Variants in KAZN observed in about 807,000 individuals in gnomAD.
KAZN encodes the protein kazrin.
In KAZN, 40 loss-of-function variants were observed where a neutral mutation model predicts 87.4. That is an observed-to-expected ratio of 0.46 (90% CI 0.36 to 0.60). The LOEUF is 0.60. Ranked by LOEUF, KAZN falls within the 20% of genes least tolerant of loss-of-function variation. KAZN has a pLI of 0.00. For synonymous variants in KAZN, 466 were observed against 458.3 expected, an observed-to-expected ratio of 1.02 and a Z score of -0.22; for missense variants, 898 against 1,073.9, an observed-to-expected ratio of 0.84 and a Z score of 2.29.
At chr1:14,058,121 T>A (rs994072861) in intron 1 of KAZN, among the ~76,000 whole-genome samples, 1 of 152,158 alleles carries the variant, frequency 6.6e-6, no homozygotes, top group African/African-American at 2.4e-5. Context: ...GTCCTCCATA[T>A]GCCCCACCTG....
intron 1 of KAZN, among the ~76,000 whole-genome samples, chr1:13,958,879 C>G (rs915210323): frequency 2.6e-5 from 4 of 152,108 alleles, no homozygotes; most frequent in African/African-American, 9.7e-5. Flanking sequence ...AGCTAGGCTG[C>G]TCAGGTCCTT....
chr1:14,169,379 G>A (rs963520926), intron 1 of KAZN, among the ~76,000 whole-genome samples: 1 of 151,968 alleles, frequency 6.6e-6, no homozygotes, highest in Admixed American at 6.6e-5. Flanking sequence ...CTGCCCATTA[G>A]AATGTGGCTG....
intron 2 of KAZN, among the ~76,000 whole-genome samples, chr1:14,544,350 CTTTTTTTT>C (rs374148415): frequency 1.2e-3 from 122 of 98,132 alleles, no homozygotes; most frequent in Admixed American, 1.8e-3. Flanking sequence ...TTCTTTCTTT[CTTTTTTTT>C]TTTTTTTTTT....
intron 2 of KAZN, among the ~76,000 whole-genome samples, chr1:14,463,133 A>T (rs1369042334): frequency 6.6e-6 from 1 of 152,174 alleles, no homozygotes; most frequent in African/African-American, 2.4e-5. Context: ...TGAGGAATGG[A>T]TTATTTAGAA....
intron 1 of KAZN, among the ~76,000 whole-genome samples, chr1:14,808,463 A>AT (rs1209244625): frequency 0.015 from 2,172 of 142,704 alleles, 46 homozygotes; most frequent in African/African-American, 0.05. Flanking sequence ...CGGTCGGCTA[A>AT]TTTTTTTTTT....
chr1:14,687,348 T>C (rs1385671629), intron 1 of KAZN, among the ~76,000 whole-genome samples: 1 of 152,076 alleles, frequency 6.6e-6, no homozygotes, highest in East Asian at 1.9e-4. Context: ...TCAACAAGCA[T>C]TGGTCAGTGC....
At chr1:13,912,613 C>CT (rs35580403) in intron 1 of KAZN, among the ~76,000 whole-genome samples, 30,396 of 151,786 alleles carry the variant, frequency 0.2, 3,413 homozygotes, top group Non-Finnish European at 0.26. Context: ...TAATGCAATT[C>CT]TTTTTTTTGA....
At chr1:14,360,710 T>TG (rs1471534676) in intron 2 of KAZN, among the ~76,000 whole-genome samples, 1 of 152,210 alleles carries the variant, frequency 6.6e-6, no homozygotes, top group African/African-American at 2.4e-5. Context: ...GCTGCAGGTC[T>TG]GCTGGAGTTT....
At chr1:15,057,590 G>A (rs1184145483) in intron 5 of KAZN, among the ~76,000 whole-genome samples, 1 of 152,166 alleles carries the variant, frequency 6.6e-6, no homozygotes, top group Non-Finnish European at 1.5e-5. Flanking sequence ...GACCCAAGGT[G>A]GTGTGACTTT....
At chr1:14,102,680 C>T (rs12047577) in intron 1 of KAZN, among the ~76,000 whole-genome samples, 40,712 of 151,884 alleles carry the variant, frequency 0.27, 5,759 homozygotes, top group East Asian at 0.54. Flanking sequence ...TGGTGAGCTC[C>T]GTGCATCCCC....
intron 1 of KAZN, among the ~76,000 whole-genome samples, chr1:14,862,550 G>A (rs1054752828): frequency 1.3e-5 from 2 of 152,130 alleles, no homozygotes; most frequent in African/African-American, 4.8e-5. Context: ...TCACATCAGG[G>A]GAGGCCTACT....
At chr1:14,638,515 G>T (rs1680169544) in intron 1 of KAZN, among the ~76,000 whole-genome samples, 1 of 149,758 alleles carries the variant, frequency 6.7e-6, no homozygotes, top group Admixed American at 6.7e-5. Flanking sequence ...GTTGCAGCGA[G>T]CTGAGATTGC....
chr1:14,676,317 C>T (rs12037545), intron 1 of KAZN, among the ~76,000 whole-genome samples: 59,776 of 152,092 alleles, frequency 0.39, 13,196 homozygotes, highest in East Asian at 0.53. Flanking sequence ...ATGTCAGGTC[C>T]TTCTTGTCTA....
chr1:13,907,940 C>T (rs1421848894), intron 1 of KAZN, among the ~76,000 whole-genome samples: 1 of 152,170 alleles, frequency 6.6e-6, no homozygotes, highest in East Asian at 1.9e-4. Context: ...AGAGCTGATT[C>T]TCTGAGAATT....
At chr1:14,261,105 T>A (rs11582683) in intron 2 of KAZN, among the ~76,000 whole-genome samples, 1 of 152,090 alleles carries the variant, frequency 6.6e-6, no homozygotes, top group African/African-American at 2.4e-5. Context: ...GTGGAACTAT[T>A]CAAAGGATCA....
chr1:14,605,023 G>A (rs1369158083), intron 1 of KAZN, among the ~76,000 whole-genome samples: 1 of 152,222 alleles, frequency 6.6e-6, no homozygotes, highest in Non-Finnish European at 1.5e-5. Context: ...TCTACAGATT[G>A]TGTGAAGTAA....
intron 8 of KAZN, among the ~76,000 whole-genome samples, chr1:15,074,796 C>T (rs1639666791): frequency 6.6e-6 from 1 of 152,202 alleles, no homozygotes; most frequent in East Asian, 1.9e-4. Flanking sequence ...AAGGACTTCA[C>T]CTGCTGTGCC....
At chr1:14,665,450 C>T (rs959800585) in intron 1 of KAZN, among the ~76,000 whole-genome samples, 7 of 152,036 alleles carry the variant, frequency 4.6e-5, no homozygotes, top group Non-Finnish European at 8.8e-5. Context: ...TTTCAGTCCC[C>T]GTCAAAATCA....
chr1:13,898,961 C>T (rs973716007), intron 1 of KAZN, among the ~76,000 whole-genome samples: 1 of 152,202 alleles, frequency 6.6e-6, no homozygotes, highest in Non-Finnish European at 1.5e-5. Flanking sequence ...GAGCTGTGCA[C>T]ATTGGGGACT....
Sources: gnomAD v4.1 joint callset for allele counts (sites outside exome capture counted in the v4.1 genomes callset) on GRCh38, gnomAD v4.1.1 for gene constraint, MANE v1.5 for transcripts, NCBI Gene and HGNC (gene_info 2026-07-23, HGNC 2026-07-21) for gene names.